TRPC1: variants seen among roughly 807,000 people sequenced by gnomAD.
TRPC1 encodes short transient receptor potential channel 1.
TRPC1 carries 42 observed loss-of-function variants against 88.2 expected under a neutral mutation model. The ratio of observed to expected loss-of-function variants is 0.48; its 90% CI spans 0.37 to 0.62. The LOEUF (loss-of-function observed/expected upper bound fraction) is 0.62. Among genes scored for constraint, TRPC1 ranks in the 20% least tolerant of loss-of-function variants. TRPC1 has a pLI of 0.00. For synonymous variants in TRPC1, 288 were observed against 331.8 expected, an observed-to-expected ratio of 0.87 and a Z score of 1.43; for missense variants, 699 against 957.3, an observed-to-expected ratio of 0.73 and a Z score of 3.56.
intron 6 of TRPC1, among the ~76,000 whole-genome samples, chr3:142,783,234 T>C (rs1019047650): frequency 1.3e-5 from 2 of 152,180 alleles, no homozygotes; most frequent in African/African-American, 4.8e-5. Flanking sequence ...CTGAGATTGC[T>C]TTGATATTTG....
intron 4 of TRPC1, among the ~76,000 whole-genome samples, chr3:142,768,010 G>T (rs1377147257): frequency 6.6e-6 from 1 of 151,448 alleles, no homozygotes; most frequent in Admixed American, 6.6e-5. Flanking sequence ...TTGGTCATTT[G>T]CATATTGGTG....
chr3:142,762,460 C>T (rs1394660950), intron 4 of TRPC1, among the ~76,000 whole-genome samples: 9 of 128,688 alleles, frequency 7.0e-5, no homozygotes, highest in Admixed American at 4.2e-4. Context: ...GACGGAGTCT[C>T]GCTTTGTCAC....
chr3:142,737,874 A>G lies in TRPC1; in HGVS notation c.327+1341A>G, dbSNP rs184515715. ...GTGTATGTGCGTTTGTGTGTTTATAAGACACAAAAGCAGAAGACTTCCATC... is the reference window on the plus strand; with the variant it reads ...GTGTATGTGCGTTTGTGTGTTTATAGGACACAAAAGCAGAAGACTTCCATC... On this transcript the variant is annotated intron_variant, in intron 2 of 12. Coordinates refer to ENST00000476941, the MANE Select transcript of TRPC1 (RefSeq NM_001251845.2). Among the ~76,000 whole-genome samples, 796 of 152,314 alleles carry G rather than the reference A, an allele frequency of 5.2e-3. 7 individuals carry two copies. Among genetic ancestry groups the G allele is most frequent in the African/African-American group, 0.018 (740 of 41,570 alleles).
chr3:142,727,895 G>A (rs552925055), intron 1 of TRPC1, among the ~76,000 whole-genome samples: 25 of 151,908 alleles, frequency 1.6e-4, no homozygotes, highest in Middle Eastern at 3.4e-3. Context: ...CACCTATGGT[G>A]TCCCTCAGGT....
intron 9 of TRPC1, among the ~76,000 whole-genome samples, chr3:142,797,719 T>C (rs1936495985): frequency 6.6e-6 from 1 of 152,116 alleles, no homozygotes; most frequent in Non-Finnish European, 1.5e-5. Context: ...GTATGTAAGA[T>C]GCATACCACA....
At chr3:142,802,055 G>A in intron 9 of TRPC1, 114 bp from the exon 10 acceptor site, 6 of 627,608 alleles carry the variant, frequency 9.6e-6, no homozygotes, top group Non-Finnish European at 1.5e-5. Flanking sequence ...TGCAATAGAA[G>A]GGGTGGCCTG....
At chr3:142,725,981 T>C (rs1933656210) in intron 1 of TRPC1, among the ~76,000 whole-genome samples, 1 of 152,202 alleles carries the variant, frequency 6.6e-6, no homozygotes, top group Non-Finnish European at 1.5e-5. Flanking sequence ...ATAATATTGT[T>C]AAAGTACACC....
At position 142,785,022 on chromosome 3, in the gene TRPC1, C is replaced by T. The variant is rs1467428947; in HGVS notation, c.1279C>T (p.Leu427Phe). 3 of 1,604,584 alleles carry T rather than the reference C, an allele frequency of 1.9e-6. No individual in the cohort carries two copies. Among genetic ancestry groups the T allele is most frequent in the African/African-American group, 2.7e-5 (2 of 74,474 alleles). The change falls in exon 7 of 13, where the codon CTT (leucine) becomes TTT (phenylalanine). Residue 427 changes from leucine (L) to phenylalanine (F), a missense_variant. By Grantham distance (22) the Leu-to-Phe change is conservative (BLOSUM62 0). This residue lies in a region of TRPC1 where 426 missense variants were observed against 641.3 expected (regional missense o/e 0.66). Coordinates refer to ENST00000476941, the MANE Select transcript of TRPC1 (RefSeq NM_001251845.2). ...GPALERIDYL[L>F]ILWIIGMIWS... ...AGCCCTTGAAAGAATAGACTATCTT[C>T]TTATTCTGTGGATTATTGGTAAGTA...
At chr3:142,800,496 G>A (rs919564655) in intron 9 of TRPC1, among the ~76,000 whole-genome samples, 8 of 152,222 alleles carry the variant, frequency 5.3e-5, no homozygotes, top group Admixed American at 6.5e-5. Context: ...CACTGAAAGC[G>A]GGATGTGCTA....
intron 4 of TRPC1, among the ~76,000 whole-genome samples, chr3:142,777,314 A>T (rs1330997572): frequency 9.2e-5 from 14 of 152,310 alleles, no homozygotes; most frequent in African/African-American, 3.4e-4. Flanking sequence ...GTTAAAAAAA[A>T]GTTGGTCCAG....
intron 9 of TRPC1, among the ~76,000 whole-genome samples, chr3:142,793,569 T>C (rs748891658): frequency 3.3e-5 from 5 of 152,038 alleles, no homozygotes; most frequent in Non-Finnish European, 5.9e-5. Flanking sequence ...AGTATGATTA[T>C]TATGTATGAG....
At chr3:142,726,759 T>C (rs936258411) in intron 1 of TRPC1, among the ~76,000 whole-genome samples, 3 of 152,206 alleles carry the variant, frequency 2.0e-5, no homozygotes, top group Non-Finnish European at 2.9e-5. Context: ...AGTCTAAAAG[T>C]GAACAATTTC....
chr3:142,773,171 T>A (rs1935633886), intron 4 of TRPC1, among the ~76,000 whole-genome samples: 1 of 152,204 alleles, frequency 6.6e-6, no homozygotes, highest in African/African-American at 2.4e-5. Flanking sequence ...CTCTAGTGAA[T>A]TTCTAATTTC....
chr3:142,797,175 GTTTT>G (rs200039380), intron 9 of TRPC1, among the ~76,000 whole-genome samples: 1 of 136,376 alleles, frequency 7.3e-6, no homozygotes. Context: ...AAAAAAGGTT[GTTTT>G]TTTTTTTTTT....
rs892599223 is a variant in TRPC1 at position 142,806,315 on chromosome 3, TGA to T, written c.*83_*84del. 1.5e-4 allele frequency: 151 copies of T among 1,039,936 alleles called. No individual in the cohort carries two copies. In the African/African-American group the frequency reaches 2.3e-3, roughly 16 times the overall value. 64.4% of individuals were successfully genotyped at this position (1,039,936 alleles called of 1,614,324 possible). A position where few individuals can be genotyped will look rare whatever the true frequency, so the allele number is the denominator to read the frequency against. ...ATTGCATAACTTGCAATGAAATTAATGAGATATATATTGAAATAAAGAATTAT... is the reference window on the plus strand; with the variant it reads ...ATTGCATAACTTGCAATGAAATTAATGATATATATTGAAATAAAGAATTAT... On this transcript the variant is annotated 3_prime_UTR_variant, in exon 13 of 13. Coordinates refer to ENST00000476941, the MANE Select transcript of TRPC1 (RefSeq NM_001251845.2).
At position 142,804,086 on chromosome 3, in the gene TRPC1, G is replaced by A. The variant is rs1282476550; in HGVS notation, c.1867G>A (p.Ala623Thr). 9.9e-6 allele frequency: 16 copies of A among 1,613,746 alleles called. No homozygotes were observed. Among genetic ancestry groups the A allele is most frequent in the Non-Finnish European group, 1.3e-5 (15 of 1,179,908 alleles). Residue 623 changes from alanine (A) to threonine (T), a missense_variant, in exon 11 of 13, where the codon GCT becomes ACT. Physicochemically the swap from Ala to Thr is moderately conservative, Grantham distance 58. This residue lies in a region of TRPC1 where 426 missense variants were observed against 641.3 expected (regional missense o/e 0.66). Coordinates refer to ENST00000476941, the MANE Select transcript of TRPC1 (RefSeq NM_001251845.2). ...AGAAGAACTGCAGTCCTTTGTGGGA[G>A]CTGTCATTGTTGGTACATACAATGT... ...YGEELQSFVG[A>T]VIVGTYNVVV...
At chr3:142,732,115 A>AG (rs1342936530) in intron 1 of TRPC1, among the ~76,000 whole-genome samples, 4 of 152,204 alleles carry the variant, frequency 2.6e-5, no homozygotes, top group African/African-American at 7.2e-5. Flanking sequence ...AAGTTGCAAT[A>AG]GGGAAAAGAG....
rs1159520441 is a variant in TRPC1 at position 142,763,959 on chromosome 3, A to AATATATAT, written c.633-13655_633-13648dup. On this transcript the variant is annotated intron_variant, in intron 4 of 12. Coordinates refer to ENST00000476941, the MANE Select transcript of TRPC1 (RefSeq NM_001251845.2). ...GCGAGACTCCGTCTCAAAAAAAAGA[A>AATATATAT]ATATATATATATATATATATATATA... Among the ~76,000 whole-genome samples, 236 of 76,312 alleles carry AATATATAT rather than the reference A, an allele frequency of 3.1e-3. 7 individuals are homozygous for AATATATAT. Among genetic ancestry groups the AATATATAT allele is most frequent in the East Asian group, 0.016 (50 of 3,046 alleles). 50.1% of individuals were successfully genotyped at this position (76,312 alleles called of 152,430 possible).
intron 9 of TRPC1, among the ~76,000 whole-genome samples, chr3:142,796,448 C>T (rs1936453096): frequency 6.6e-6 from 1 of 152,110 alleles, no homozygotes; most frequent in African/African-American, 2.4e-5. Flanking sequence ...GGCCACACAG[C>T]ACTCTACCCT....
Sources: allele counts gnomAD v4.1 joint callset (sites outside exome capture counted in the v4.1 genomes callset), GRCh38; gene constraint gnomAD v4.1.1; regional missense constraint gnomAD v4.1.1; transcripts MANE v1.5; gene names NCBI Gene and HGNC (gene_info 2026-07-23, HGNC 2026-07-21).